The following TF variants were observed in gnomAD, a reference collection of about 807,000 sequenced individuals.
TF encodes the protein serotransferrin.
Under a neutral mutation model 82.4 loss-of-function variants are expected in TF, and 55 were observed. That is an observed-to-expected ratio of 0.67 (90% CI 0.54 to 0.84). The LOEUF is 0.84. Ranked by LOEUF, TF falls within the 40% of genes least tolerant of loss-of-function variation. The probability of loss-of-function intolerance (pLI) is 0.00; values close to 1 mark genes in which losing one functional copy is unlikely to be tolerated. For missense variants in TF, 737 were observed against 868.4 expected, an observed-to-expected ratio of 0.85 and a Z score of 1.90; for synonymous variants, 332 against 332.6, an observed-to-expected ratio of 1.00 and a Z score of 0.02.
the TF span, among the ~76,000 whole-genome samples, chr3:133,681,564 G>A: frequency 1.3e-5 from 2 of 152,196 alleles, no homozygotes; most frequent in East Asian, 1.9e-4. Context: ...TCCCACACAT[G>A]GCTCAGAGGG....
chr3:133,741,532 A>G (rs1473421984), upstream of TF, among the ~76,000 whole-genome samples: 3 of 152,198 alleles, frequency 2.0e-5, no homozygotes, highest in Non-Finnish European at 4.4e-5. Context: ...AGCATGCCAC[A>G]TTAAGTATGA....
intron 9 of TF, among the ~76,000 whole-genome samples, chr3:133,763,662 G>A (rs1043098902): frequency 6.6e-6 from 1 of 152,162 alleles, no homozygotes; most frequent in African/African-American, 2.4e-5. Flanking sequence ...CTGAAATTTG[G>A]GGCTTACTAG....
chr3:133,708,523 C>T, the TF span, among the ~76,000 whole-genome samples: 8 of 152,116 alleles, frequency 5.3e-5, 1 homozygote, highest in East Asian at 1.9e-4. Flanking sequence ...GATATTCCCT[C>T]TCCCCAGGGA....
At chr3:133,683,392 A>G in the TF span, among the ~76,000 whole-genome samples, 1 of 152,238 alleles carries the variant, frequency 6.6e-6, no homozygotes, top group African/African-American at 2.4e-5. Context: ...TGCTCCAATT[A>G]AAAGACACAG....
chr3:133,757,448 G>A (rs565608427), intron 7 of TF, among the ~76,000 whole-genome samples: 1 of 152,302 alleles, frequency 6.6e-6, no homozygotes, highest in Non-Finnish European at 1.5e-5. Flanking sequence ...TCCTCTTGCC[G>A]AGCCGTCCCA....
At chr3:133,717,679 A>G in the TF span, among the ~76,000 whole-genome samples, 1 of 152,156 alleles carries the variant, frequency 6.6e-6, no homozygotes, top group African/African-American at 2.4e-5. Flanking sequence ...TTGTAAGGTG[A>G]CAGCTGCCTC....
chr3:133,758,596 A>T (rs771379052), intron 8 of TF, among the ~76,000 whole-genome samples: 2 of 152,190 alleles, frequency 1.3e-5, no homozygotes, highest in Non-Finnish European at 2.9e-5. Flanking sequence ...ACAACAAAAT[A>T]CCATGGCCCT....
the TF span, among the ~76,000 whole-genome samples, chr3:133,694,857 T>A: frequency 3.2e-5 from 2 of 63,166 alleles, no homozygotes; most frequent in South Asian, 7.5e-4. Flanking sequence ...TAGTTTTATT[T>A]ATTTATTTAT....
At chr3:133,730,183 C>T in the TF span, among the ~76,000 whole-genome samples, 2 of 152,200 alleles carry the variant, frequency 1.3e-5, no homozygotes, top group Non-Finnish European at 2.9e-5. Context: ...GGCAGATCTT[C>T]TCTCCAGCCT....
chr3:133,686,848 T>C, the TF span, among the ~76,000 whole-genome samples: 1 of 152,226 alleles, frequency 6.6e-6, no homozygotes, highest in Non-Finnish European at 1.5e-5. Context: ...TTACTGGGTA[T>C]ATACCCAAAG....
At chr3:133,721,580 G>C in the TF span, among the ~76,000 whole-genome samples, 1 of 152,180 alleles carries the variant, frequency 6.6e-6, no homozygotes, top group East Asian at 1.9e-4. Context: ...GGAATGTTCT[G>C]TAAATATCTT....
At position 133,786,537 on chromosome 3, in the gene TF, T is replaced by C. The variant is rs889988018; in HGVS notation, c.*7917T>C. ...ATTTTGTTTTACTTATCTGGGTATA[T>C]TGTGGATCTAAAGGACAAATGAGTC... On this transcript the variant is annotated 3_prime_UTR_variant, in exon 17 of 17. Transcript: ENST00000402696. 5 of 152,362 alleles carry C rather than the reference T, an allele frequency of 3.3e-5. No individual in the cohort carries two copies. The East Asian group carries it at 5.8e-4, about 18-fold the overall frequency. The allele number at this position is 152,362 out of a possible 1,614,324, so 9.4% of individuals were successfully genotyped here.
the TF span, among the ~76,000 whole-genome samples, chr3:133,676,846 A>T: frequency 0.9 from 137,299 of 152,292 alleles, 61,902 homozygotes; most frequent in South Asian, 0.95. Context: ...AAGTTCATTT[A>T]CCCAATTCAC....
intron 2 of TF, among the ~76,000 whole-genome samples, chr3:133,749,506 G>A (rs1476320701): frequency 1.3e-5 from 2 of 152,180 alleles, no homozygotes; most frequent in East Asian, 1.9e-4. Flanking sequence ...ATGTGGGGAT[G>A]TACAATGGAG....
chr3:133,693,290 G>A, the TF span, among the ~76,000 whole-genome samples: 1 of 152,188 alleles, frequency 6.6e-6, no homozygotes, highest in African/African-American at 2.4e-5. Context: ...AGGCCTACAT[G>A]CCTTAGGTGA....
Position 133,788,995 on chromosome 3 carries a change from G to A in TF, c.*10375G>A, listed in dbSNP as rs1934761377. 1 of 152,250 alleles carries A rather than the reference G, an allele frequency of 6.6e-6. No homozygotes were observed. The highest frequency in any genetic ancestry group is 1.5e-5 in the Non-Finnish European group (1 of 68,094). 9.4% of individuals were successfully genotyped at this position (152,250 alleles called of 1,614,324 possible). ...GCTAAACGCCAGTGATTACACCCAGGAACCAAAGGACAGCTCACAATTGCC... is the reference window on the plus strand; with the variant it reads ...GCTAAACGCCAGTGATTACACCCAGAAACCAAAGGACAGCTCACAATTGCC... On this transcript the variant is annotated 3_prime_UTR_variant, in exon 17 of 17. Transcript: ENST00000402696.
In TF at chr3:133,779,663, C is replaced by G. The variant is rs980571173; in HGVS notation, c.*1043C>G. The G allele has an allele frequency of 1.3e-5, 2 of 152,460 alleles. No individual in the cohort carries two copies. Among genetic ancestry groups the G allele is most frequent in the Non-Finnish European group, 2.9e-5 (2 of 68,248 alleles). 9.4% of individuals were successfully genotyped at this position (152,460 alleles called of 1,614,324 possible). ...TGCTCCTCTCACTTTGCAGGCCCTC[C>G]TTCAGTGATGCTCATGACTCCTAGG... On this transcript the variant is annotated 3_prime_UTR_variant, in exon 17 of 17. Coordinates refer to ENST00000402696, the MANE Select transcript of TF (RefSeq NM_001063.4).
At chr3:133,749,153 T>C (rs1933594613) in intron 2 of TF, among the ~76,000 whole-genome samples, 1 of 152,134 alleles carries the variant, frequency 6.6e-6, no homozygotes, top group African/African-American at 2.4e-5. Flanking sequence ...AGAGTGAGGC[T>C]CCATCTCAAA....
At chr3:133,662,807 A>G in the TF span, among the ~76,000 whole-genome samples, 105 of 152,284 alleles carry the variant, frequency 6.9e-4, no homozygotes, top group African/African-American at 2.4e-3. Context: ...TTTATTATTC[A>G]CTGCTGAGAT....
Sources: allele counts gnomAD v4.1 joint callset (sites outside exome capture counted in the v4.1 genomes callset), GRCh38; gene constraint gnomAD v4.1.1; transcripts MANE v1.5; gene names NCBI Gene and HGNC (gene_info 2026-07-23, HGNC 2026-07-21).